GIT2: variants seen among roughly 807,000 people sequenced by gnomAD.
The protein encoded by GIT2 is ARF GTPase-activating protein GIT2.
GIT2 carries 32 observed loss-of-function variants against 100.3 expected under a neutral mutation model. That is an observed-to-expected ratio of 0.32 (90% CI 0.24 to 0.43). The LOEUF (loss-of-function observed/expected upper bound fraction) is 0.43, where lower values mean the gene tolerates loss of function less well. Ranked by LOEUF, GIT2 falls within the 20% of genes least tolerant of loss-of-function variation. GIT2 has a pLI of 1.00. For synonymous variants in GIT2, 353 were observed against 364.1 expected, an observed-to-expected ratio of 0.97 and a Z score of 0.35; for missense variants, 737 against 975.1, an observed-to-expected ratio of 0.76 and a Z score of 3.25.
Position 109,991,329 on chromosome 12 carries a change from T to G in GIT2, c.186+298A>C, listed in dbSNP as rs1270494110. On this transcript the variant is annotated intron_variant, in intron 2 of 19. Coordinates refer to ENST00000355312, the MANE Select transcript of GIT2 (RefSeq NM_057169.5). Reference sequence around the variant, plus strand: ...CGTCTCAAAAAAAAAAAAAAAACATTTCCGATGACAGTCTAGAAAGTCAAC... The same window carrying G: ...CGTCTCAAAAAAAAAAAAAAAACATGTCCGATGACAGTCTAGAAAGTCAAC... Among the ~76,000 whole-genome samples the G allele has an allele frequency of 5.3e-5, 8 of 151,626 alleles. No individual in the cohort carries two copies. In the East Asian group the frequency reaches 1.5e-3, roughly 29 times the overall value.
chr12:109,973,821 C>A (rs895484133), intron 7 of GIT2, among the ~76,000 whole-genome samples: 3 of 151,918 alleles, frequency 2.0e-5, no homozygotes, highest in East Asian at 1.9e-4. Flanking sequence ...GCAGGCAGAT[C>A]ATTTGAGGTG....
intron 7 of GIT2, among the ~76,000 whole-genome samples, chr12:109,978,076 GTTTTTTTTTTTTT>G (rs111855474): frequency 5.3e-5 from 5 of 93,498 alleles, no homozygotes; most frequent in Non-Finnish European, 1.0e-4. Flanking sequence ...AAATTTAGAG[GTTTTTTTTTTTTT>G]TTTTTTTTTT....
intron 12 of GIT2, among the ~76,000 whole-genome samples, chr12:109,956,411 C>CACTT (rs1199651503): frequency 6.6e-6 from 1 of 152,166 alleles, no homozygotes; most frequent in Admixed American, 6.5e-5. Context: ...AGACCACAGA[C>CACTT]ACTTGTTTAT....
At chr12:109,999,597 G>T (rs1022923369), upstream of GIT2, 77 of 1,076,592 alleles carry the variant, frequency 7.2e-5, 1 homozygote, top group Non-Finnish European at 9.5e-5. The surrounding 1 kb of genome is among the most constrained non-coding windows in gnomAD (Gnocchi z 4.3). Flanking sequence ...TCGCTTGCTC[G>T]CCGGCCTCAG....
Position 109,959,961 on chromosome 12 carries a change from A to G in GIT2, c.988-3T>C, listed in dbSNP as rs372919028. ...AACCGAGCTAACTTCTGTCTGCCCT[A>G]AAGGTGGGAAAATAATTGGAAATAT... On this transcript the variant is annotated splice_polypyrimidine_tract_variant and splice_region_variant and intron_variant, in intron 11 of 19. Transcript: ENST00000355312. 87 of 1,586,778 alleles carry G rather than the reference A, an allele frequency of 5.5e-5. No individual in the cohort carries two copies. Among genetic ancestry groups the G allele is most frequent in the Non-Finnish European group, 7.5e-5 (87 of 1,155,552 alleles).
intron 6 of GIT2, chr12:109,982,447 G>C (rs1886482831): frequency 6.6e-6 from 1 of 152,146 alleles, no homozygotes; most frequent in African/African-American, 2.4e-5. Context: ...GGAAGGCAGA[G>C]TTTTGTTATT....
At chr12:109,992,652 T>C (rs1271492203) in intron 1 of GIT2, among the ~76,000 whole-genome samples, 2 of 152,134 alleles carry the variant, frequency 1.3e-5, no homozygotes, top group Non-Finnish European at 2.9e-5. Flanking sequence ...TGTTCTATGA[T>C]GTCCATGAAT....
intron 16 of GIT2, among the ~76,000 whole-genome samples, chr12:109,940,905 CA>C: frequency 7.0e-6 from 1 of 142,308 alleles, no homozygotes; most frequent in South Asian, 2.3e-4. Context: ...CAAAACAAAA[CA>C]AAACCAAAAA....
chr12:109,964,127 T>C (rs1017060745), intron 9 of GIT2, among the ~76,000 whole-genome samples: 2 of 152,190 alleles, frequency 1.3e-5, no homozygotes, highest in Non-Finnish European at 2.9e-5. Context: ...GAATTATTTA[T>C]AATAAAATTT....
intron 12 of GIT2, among the ~76,000 whole-genome samples, chr12:109,956,910 C>T (rs1412460252): frequency 1.3e-5 from 2 of 151,520 alleles, no homozygotes; most frequent in East Asian, 3.9e-4. Context: ...CCCAGCTACT[C>T]AGGAGGCTAA....
At chr12:109,969,095 A>G (rs1275586433) in intron 7 of GIT2, among the ~76,000 whole-genome samples, 2 of 134,900 alleles carry the variant, frequency 1.5e-5, no homozygotes, top group Admixed American at 1.5e-4. Flanking sequence ...AAATACCTGT[A>G]TTTTTCTCCC....
At chr12:109,969,956 A>G (rs1565985567) in intron 7 of GIT2, among the ~76,000 whole-genome samples, 1 of 151,646 alleles carries the variant, frequency 6.6e-6, no homozygotes, top group Non-Finnish European at 1.5e-5. Flanking sequence ...GGGTTTCACT[A>G]TGTTGGCCAG....
intron 16 of GIT2, 55 bp downstream of exon 16, chr12:109,945,205 C>A (rs1383497974): frequency 2.3e-6 from 2 of 852,330 alleles, no homozygotes; most frequent in Non-Finnish European, 4.0e-6. Context: ...AAGCACAAAG[C>A]GCCCAGGAGC....
At chr12:109,996,511 C>G, upstream of GIT2, 1 of 399,538 alleles carries the variant, frequency 2.5e-6, no homozygotes, top group East Asian at 4.0e-5. Context: ...GAATTTGGGT[C>G]TTCTTCTCTG....
At chr12:109,988,576 C>T (rs13377686) in intron 4 of GIT2, among the ~76,000 whole-genome samples, 12,500 of 151,910 alleles carry the variant, frequency 0.082, 551 homozygotes, top group Middle Eastern at 0.13. Context: ...AAACCCTGGC[C>T]GGGTGCAGTG....
chr12:109,986,759 C>T (rs7485187), intron 4 of GIT2, among the ~76,000 whole-genome samples: 4 of 150,324 alleles, frequency 2.7e-5, no homozygotes, highest in Non-Finnish European at 5.9e-5. Flanking sequence ...AGCAAGACTC[C>T]GTCTCAAAAA....
upstream of GIT2, chr12:109,999,585 G>C (rs1170461876): frequency 1.1e-5 from 11 of 959,176 alleles, no homozygotes; most frequent in Non-Finnish European, 1.6e-5. This position sits in a 1 kb window ranked among gnomAD's most constrained non-coding sequence, Gnocchi z 4.3. Context: ...CACGCCCTAC[G>C]CTCGCTTGCT....
intron 1 of GIT2, among the ~76,000 whole-genome samples, chr12:109,993,730 A>G (rs1238062414): frequency 6.6e-6 from 1 of 152,156 alleles, no homozygotes; most frequent in Non-Finnish European, 1.5e-5. Context: ...ATCACTGGAC[A>G]AAGTTTTTGA....
chr12:109,939,414 C>G lies in GIT2; in HGVS notation c.1732-167G>C, dbSNP rs1308659745. The G allele has an allele frequency of 5.7e-6, 3 of 525,038 alleles. No individual in the cohort carries two copies. The African/African-American group carries it at 5.8e-5, about 10-fold the overall frequency. 32.5% of individuals were successfully genotyped at this position (525,038 alleles called of 1,614,324 possible). ...ATTTAGTAAAAGATGAATATTGGAT[C>G]CAGAAATGGCCTCTTTCCTTCTTTG... On this transcript the variant is annotated intron_variant, in intron 16 of 19. Coordinates refer to ENST00000355312, the MANE Select transcript of GIT2 (RefSeq NM_057169.5).
Sources: gnomAD v4.1 joint callset for allele counts (sites outside exome capture counted in the v4.1 genomes callset) on GRCh38, gnomAD v4.1.1 for gene constraint, Gnocchi (gnomAD v3.1) non-coding constraint, MANE v1.5 for transcripts, NCBI Gene and HGNC (gene_info 2026-07-23, HGNC 2026-07-21) for gene names.